IL1RAPL2: variants seen among roughly 807,000 people sequenced by gnomAD.
IL1RAPL2 encodes X-linked interleukin-1 receptor accessory protein-like 2.
In IL1RAPL2, 3 loss-of-function variants were observed where a neutral mutation model predicts 44.1. The observed-to-expected ratio is 0.07, with a 90% CI of 0.03 to 0.18. The LOEUF (loss-of-function observed/expected upper bound fraction) is 0.18, where lower values mean the gene tolerates loss of function less well. IL1RAPL2 is among the 10% of genes least tolerant of loss of function. IL1RAPL2 has a pLI of 1.00. For missense variants in IL1RAPL2, 391 were observed against 496.4 expected, an observed-to-expected ratio of 0.79 and a Z score of 2.02; for synonymous variants, 181 against 178.8, an observed-to-expected ratio of 1.01 and a Z score of -0.10.
At chrX:104,761,845 T>TCTTCTCCTTCTCCTTCTC (rs1307424877) in intron 2 of IL1RAPL2, among the ~76,000 whole-genome samples, 3 of 53,934 alleles carry the variant, frequency 5.6e-5, no homozygotes, top group East Asian at 7.1e-4. Flanking sequence ...TCCTTCTCCT[T>TCTTCTCCTTCTCCTTCTC]CTTCTCCTTC....
chrX:105,728,964 C>T (rs1029091819), intron 7 of IL1RAPL2, among the ~76,000 whole-genome samples: 2 of 110,794 alleles, frequency 1.8e-5, no homozygotes, highest in South Asian at 3.8e-4. Flanking sequence ...AAATGTCATA[C>T]GTTTGGAATC....
intron 6 of IL1RAPL2, among the ~76,000 whole-genome samples, chrX:105,587,514 C>G (rs766896293): frequency 2.7e-5 from 3 of 111,043 alleles, no homozygotes; most frequent in Non-Finnish European, 5.7e-5. Flanking sequence ...TTACTATCTT[C>G]TGCTTTCTCT....
At chrX:104,773,294 C>T (rs1932667250) in intron 2 of IL1RAPL2, among the ~76,000 whole-genome samples, 1 of 111,821 alleles carries the variant, frequency 8.9e-6, no homozygotes, top group Non-Finnish European at 1.9e-5. Context: ...TACCTCTCCC[C>T]TTCTATATCT....
chrX:105,269,432 C>T (rs1016764616), intron 5 of IL1RAPL2, among the ~76,000 whole-genome samples: 6 of 110,533 alleles, frequency 5.4e-5, no homozygotes, highest in South Asian at 3.7e-4. Flanking sequence ...TATATTACTT[C>T]ACTCTCTGTA....
chrX:105,388,638 A>G (rs1416220114), intron 5 of IL1RAPL2, among the ~76,000 whole-genome samples: 2 of 110,988 alleles, frequency 1.8e-5, no homozygotes, highest in African/African-American at 3.3e-5. Flanking sequence ...GTTTATGCTT[A>G]AAAATACTGG....
At chrX:105,193,863 T>C (rs939306215) in intron 2 of IL1RAPL2, among the ~76,000 whole-genome samples, 4 of 111,772 alleles carry the variant, frequency 3.6e-5, no homozygotes, top group African/African-American at 1.3e-4. Flanking sequence ...TATTTGTTTG[T>C]TTGTTTATTT....
chrX:104,793,843 G>A (rs1164612503), intron 2 of IL1RAPL2, among the ~76,000 whole-genome samples: 2 of 111,532 alleles, frequency 1.8e-5, no homozygotes, highest in Non-Finnish European at 3.8e-5. Flanking sequence ...TGGTACCACC[G>A]TAACTCTGAG....
chrX:105,282,524 A>G (rs1373529876), intron 5 of IL1RAPL2, among the ~76,000 whole-genome samples: 1 of 111,821 alleles, frequency 8.9e-6, no homozygotes, highest in East Asian at 2.8e-4. Flanking sequence ...ATGGGTCTGC[A>G]GGGAAAGAAG....
intron 6 of IL1RAPL2, among the ~76,000 whole-genome samples, chrX:105,644,411 T>C (rs1026893807): frequency 3.6e-5 from 4 of 110,599 alleles, no homozygotes; most frequent in African/African-American, 9.9e-5. Context: ...AAAGTAAAAA[T>C]TGATAAATAA....
chrX:105,325,541 T>TTTTATATA (rs1218720906), intron 5 of IL1RAPL2, among the ~76,000 whole-genome samples: 1 of 76,093 alleles, frequency 1.3e-5, no homozygotes, highest in African/African-American at 7.0e-5. Context: ...TCTCTTGGTT[T>TTTTATATA]TATATATATA....
At chrX:104,851,435 A>T (rs1922222193) in intron 2 of IL1RAPL2, among the ~76,000 whole-genome samples, 1 of 111,936 alleles carries the variant, frequency 8.9e-6, no homozygotes, top group African/African-American at 3.2e-5. Flanking sequence ...AAAAAGACTT[A>T]TGGTCCCAGA....
chrX:104,903,235 T>C (rs898697141), intron 2 of IL1RAPL2, among the ~76,000 whole-genome samples: 6 of 112,306 alleles, frequency 5.3e-5, no homozygotes, highest in Non-Finnish European at 1.1e-4. Context: ...AAAAAATACA[T>C]TTTCATCAAA....
intron 2 of IL1RAPL2, among the ~76,000 whole-genome samples, chrX:105,168,990 C>T (rs758569327): frequency 1.8e-5 from 2 of 112,109 alleles, no homozygotes; most frequent in Non-Finnish European, 1.9e-5. Context: ...ACTTAACAAA[C>T]GATCCCTCCC....
rs780877367 is a variant in IL1RAPL2 at position 105,747,348 on chromosome X, C to A, written c.1049-1612C>A. On this transcript the variant is annotated intron_variant, in intron 8 of 10. Transcript: ENST00000372582. Reference sequence around the variant, plus strand: ...TTTTGTCCTTCACAGCAGCCCCACTCTCTTCCTTTTTCTATCCTTCCCCCT... The same window carrying A: ...TTTTGTCCTTCACAGCAGCCCCACTATCTTCCTTTTTCTATCCTTCCCCCT... Among the ~76,000 whole-genome samples, 9 of 107,572 alleles carry A rather than the reference C, an allele frequency of 8.4e-5. No individual in the cohort carries two copies. In the East Asian group the frequency reaches 2.4e-3, roughly 28 times the overall value. 93.4% of individuals were successfully genotyped at this position (107,572 alleles called of 115,157 possible).
intron 2 of IL1RAPL2, among the ~76,000 whole-genome samples, chrX:105,036,218 A>C (rs965940281): frequency 8.9e-6 from 1 of 112,044 alleles, no homozygotes; most frequent in African/African-American, 3.2e-5. Context: ...ACCCAAGAAC[A>C]CAGACCCCTG....
intron 2 of IL1RAPL2, among the ~76,000 whole-genome samples, chrX:105,009,078 G>T (rs186749630): frequency 6.3e-5 from 7 of 111,109 alleles, no homozygotes; most frequent in East Asian, 2.9e-4. Flanking sequence ...AGAATGGCGA[G>T]TATTAAAAAG....
intron 2 of IL1RAPL2, among the ~76,000 whole-genome samples, chrX:104,781,882 TTAA>T (rs756503183): frequency 1.4e-4 from 16 of 111,428 alleles, no homozygotes; most frequent in Middle Eastern, 4.7e-3. Flanking sequence ...TAAGATAGTA[TTAA>T]GAAGTGGGGG....
intron 6 of IL1RAPL2, among the ~76,000 whole-genome samples, chrX:105,525,431 G>A (rs2036589260): frequency 9.0e-6 from 1 of 111,026 alleles, no homozygotes; most frequent in African/African-American, 3.3e-5. Context: ...TATAATGAAT[G>A]TCCAAATATC....
chrX:105,015,487 T>C (rs1171273984), intron 2 of IL1RAPL2, among the ~76,000 whole-genome samples: 1 of 112,121 alleles, frequency 8.9e-6, no homozygotes, highest in African/African-American at 3.2e-5. Flanking sequence ...AGTTAATTTT[T>C]GTATAAGGCG....
Sources: gnomAD v4.1 joint callset for allele counts (sites outside exome capture counted in the v4.1 genomes callset) on GRCh38, gnomAD v4.1.1 for gene constraint, MANE v1.5 for transcripts, NCBI Gene and HGNC (gene_info 2026-07-23, HGNC 2026-07-21) for gene names.